The following ADAMTS3 variants were observed in gnomAD, a reference collection of about 807,000 sequenced individuals.
The protein encoded by ADAMTS3 is A disintegrin and metalloproteinase with thrombospondin motifs 3.
A neutral mutation model predicts 129.0 loss-of-function variants in ADAMTS3; 73 were observed. The observed-to-expected ratio is 0.57, with a 90% confidence interval of 0.47 to 0.69. The LOEUF (loss-of-function observed/expected upper bound fraction) is 0.69, where lower values mean the gene tolerates loss of function less well. Ranked by LOEUF, ADAMTS3 falls within the 30% of genes least tolerant of loss-of-function variation. The pLI is 0.00. For missense variants in ADAMTS3, 1,457 were observed against 1,514.5 expected (o/e 0.96, Z 0.63); for synonymous variants, 477 against 510.8 (o/e 0.93, Z 0.89).
At chr4:72,327,617 A>G (rs1430084392) in intron 5 of ADAMTS3, among the ~76,000 whole-genome samples, 3 of 152,204 alleles carry the variant, frequency 2.0e-5, no homozygotes, top group Non-Finnish European at 2.9e-5. Flanking sequence ...TACAATTAGT[A>G]CACGAGCAAG....
In ADAMTS3 at chr4:72,309,521, C is replaced by G; in HGVS notation, c.2056-1G>C. 6.2e-7 allele frequency: 1 copy of G among 1,611,142 alleles called. No individual in the cohort carries two copies. Among genetic ancestry groups the G allele is most frequent in the Non-Finnish European group, 8.5e-7 (1 of 1,177,884 alleles). Reference sequence around the variant, plus strand: ...CAATTTCTTTATCACAGCCCACTTTCTGGAGAGAGAAGATGTCAAATGTGG... The same window carrying G: ...CAATTTCTTTATCACAGCCCACTTTGTGGAGAGAGAAGATGTCAAATGTGG... On this transcript the variant is annotated splice_acceptor_variant, in intron 14 of 21. Coordinates refer to ENST00000286657, the MANE Select transcript of ADAMTS3 (RefSeq NM_014243.3). LOFTEE classifies it high-confidence loss of function.
intron 3 of ADAMTS3, among the ~76,000 whole-genome samples, chr4:72,474,682 C>A (rs1481698946): frequency 6.6e-6 from 1 of 152,042 alleles, no homozygotes; most frequent in Non-Finnish European, 1.5e-5. Flanking sequence ...TGTAGAGTAA[C>A]CACCAGAAAC....
chr4:72,309,654 T>C (rs1443000751), intron 14 of ADAMTS3, 134 bp from the exon 15 acceptor site: 6 of 852,368 alleles, frequency 7.0e-6, no homozygotes, highest in African/African-American at 3.4e-5. Context: ...ACTGTAGTCA[T>C]AATTTTTAAT....
At chr4:72,448,122 A>G (rs1334676806) in intron 3 of ADAMTS3, among the ~76,000 whole-genome samples, 1 of 151,738 alleles carries the variant, frequency 6.6e-6, no homozygotes, top group Non-Finnish European at 1.5e-5. Context: ...CTTATTTACA[A>G]AGGCCAAACT....
chr4:72,318,048 C>T (rs1479333770), intron 10 of ADAMTS3, among the ~76,000 whole-genome samples: 2 of 151,410 alleles, frequency 1.3e-5, no homozygotes, highest in Non-Finnish European at 2.9e-5. Context: ...AAAAAGAAAG[C>T]GTTAGATCCA....
At position 72,376,292 on chromosome 4, in the gene ADAMTS3, A is replaced by T. The variant is rs535699513; in HGVS notation, c.662-36599T>A. ...AATATCTGGTGATGGCCCATTCCTC[A>T]TAGACACCTTCTATGTGTCTTCATA... On this transcript the variant is annotated intron_variant, in intron 4 of 21. Transcript: ENST00000286657. Among the ~76,000 whole-genome samples the T allele has an allele frequency of 9.8e-5, 15 of 152,326 alleles. 1 individual carries two copies. The South Asian group carries it at 3.1e-3, about 32-fold the overall frequency.
intron 19 of ADAMTS3, among the ~76,000 whole-genome samples, chr4:72,293,983 T>C (rs1036980286): frequency 6.6e-6 from 1 of 151,654 alleles, no homozygotes; most frequent in African/African-American, 2.4e-5. Context: ...CAATGGACAA[T>C]AGGAGAGAAA....
In ADAMTS3 at chr4:72,527,856, T is replaced by A. The variant is rs566853486; in HGVS notation, c.504+20622A>T. Among the ~76,000 whole-genome samples the A allele has an allele frequency of 2.0e-5, 3 of 152,206 alleles. No individual in the cohort carries two copies. The South Asian group carries it at 6.2e-4, about 32-fold the overall frequency. ...GAGGAAGAATTCATCCAACTAAGAA[T>A]CCTGAAACCTAGAGGGGGATAGGGA... On this transcript the variant is annotated intron_variant, in intron 3 of 21. Coordinates refer to ENST00000286657, the MANE Select transcript of ADAMTS3 (RefSeq NM_014243.3).
chr4:72,544,586 T>C (rs947716142), intron 3 of ADAMTS3, among the ~76,000 whole-genome samples: 1 of 152,176 alleles, frequency 6.6e-6, no homozygotes, highest in Non-Finnish European at 1.5e-5. Context: ...CAGGGCATGA[T>C]TACTACAAAG....
intron 4 of ADAMTS3, among the ~76,000 whole-genome samples, chr4:72,397,828 A>G (rs1028804121): frequency 6.6e-6 from 1 of 152,066 alleles, no homozygotes; most frequent in Non-Finnish European, 1.5e-5. Flanking sequence ...ATTTGAACAC[A>G]TGTCTTTCTG....
At chr4:72,469,010 T>C (rs1718993758) in intron 3 of ADAMTS3, among the ~76,000 whole-genome samples, 2 of 152,140 alleles carry the variant, frequency 1.3e-5, no homozygotes, top group Admixed American at 1.3e-4. Context: ...GTTCCTATAG[T>C]ACATACATAT....
At chr4:72,499,917 G>A (rs1159882984) in intron 3 of ADAMTS3, among the ~76,000 whole-genome samples, 1 of 152,022 alleles carries the variant, frequency 6.6e-6, no homozygotes, top group African/African-American at 2.4e-5. Context: ...TAGAACAATG[G>A]CCTCCAGCTG....
intron 4 of ADAMTS3, among the ~76,000 whole-genome samples, chr4:72,344,458 G>A (rs942660490): frequency 6.6e-6 from 1 of 152,144 alleles, no homozygotes. Context: ...GATAGAGCCT[G>A]TGATAAAACC....
intron 2 of ADAMTS3, among the ~76,000 whole-genome samples, chr4:72,563,290 T>C (rs1259496089): frequency 6.6e-6 from 1 of 152,078 alleles, no homozygotes; most frequent in Non-Finnish European, 1.5e-5. Flanking sequence ...AAAAGATAAA[T>C]CAGTAAAGCC....
rs556921639 is a variant in ADAMTS3, at chr4:72,405,151, A to C, written c.661+9664T>G. Among the ~76,000 whole-genome samples the C allele has an allele frequency of 4.6e-5, 7 of 152,150 alleles. No individual in the cohort carries two copies. In the East Asian group the frequency reaches 1.2e-3, roughly 25 times the overall value. On this transcript the variant is annotated intron_variant, in intron 4 of 21. Coordinates refer to ENST00000286657, the MANE Select transcript of ADAMTS3 (RefSeq NM_014243.3). ...TGTTGAGGCTCCTGAGAATATTAAA[A>C]AATAGAACTACCATATGATCCAGAT... is the stretch of plus-strand genomic sequence containing the variant.
At chr4:72,539,403 G>A (rs1382166816) in intron 3 of ADAMTS3, among the ~76,000 whole-genome samples, 1 of 143,268 alleles carries the variant, frequency 7.0e-6, no homozygotes, top group Non-Finnish European at 1.5e-5. Flanking sequence ...ACGAAGAGAT[G>A]TTCAACTTCA....
Position 72,416,178 on chromosome 4 carries a change from A to AATATATATATACATATATGTATATAT in ADAMTS3, c.505-1208_505-1207insATATATACATATATGTATATATATAT, listed in dbSNP as rs200493932. ...TATGTTTTCAGCAAATATAAATATA[A>AATATATATATACATATATGTATATAT]ATATATATATTCATATATGTATATA... On this transcript the variant is annotated intron_variant, in intron 3 of 21. Coordinates refer to ENST00000286657, the MANE Select transcript of ADAMTS3 (RefSeq NM_014243.3). 1.0e-4 allele frequency among the ~76,000 whole-genome samples: 15 copies of AATATATATATACATATATGTATATAT among 148,330 alleles called. No homozygotes were observed. The South Asian group carries it at 1.0e-3, about 10-fold the overall frequency.
intron 4 of ADAMTS3, among the ~76,000 whole-genome samples, chr4:72,347,402 G>A (rs1720317270): frequency 6.6e-6 from 1 of 151,136 alleles, no homozygotes; most frequent in African/African-American, 2.4e-5. Context: ...GTCATCAATA[G>A]TCTTCATTTT....
At chr4:72,550,066 AGAGGAAGAGGAAGAG>A in intron 2 of ADAMTS3, among the ~76,000 whole-genome samples, 2 of 25,348 alleles carry the variant, frequency 7.9e-5, no homozygotes, top group African/African-American at 1.6e-4. Flanking sequence ...AGGAAGAGGA[AGAGGAAGAGGAAGAG>A]GAAGAAGAAG....
Sources: gnomAD v4.1 joint callset for allele counts (sites outside exome capture counted in the v4.1 genomes callset) on GRCh38, gnomAD v4.1.1 for gene constraint, MANE v1.5 for transcripts, NCBI Gene and HGNC (gene_info 2026-07-23, HGNC 2026-07-21) for gene names.